Variants in CENPP observed in about 807,000 individuals in gnomAD.
CENPP encodes the protein centromere protein P.
CENPP carries 24 observed loss-of-function variants against 35.6 expected under a neutral mutation model. That is an observed-to-expected ratio of 0.67 (90% CI 0.49 to 0.95). CENPP has a LOEUF of 0.95. CENPP is among the 40% of genes least tolerant of loss of function. The probability of loss-of-function intolerance (pLI) is 0.00; values close to 1 mark genes in which losing one functional copy is unlikely to be tolerated. For synonymous variants in CENPP, 120 were observed against 125.5 expected, an observed-to-expected ratio of 0.96 and a Z score of 0.29; for missense variants, 332 against 345.3, an observed-to-expected ratio of 0.96 and a Z score of 0.31.
chr9:92,477,099 T>C (rs1164144649), intron 5 of CENPP, among the ~76,000 whole-genome samples: 1 of 152,180 alleles, frequency 6.6e-6, no homozygotes, highest in African/African-American at 2.4e-5. Context: ...GTGGCTTCTT[T>C]TGGAGAGCCC....
At chr9:92,442,619 G>A (rs1162173639) in intron 5 of CENPP, among the ~76,000 whole-genome samples, 4 of 151,926 alleles carry the variant, frequency 2.6e-5, no homozygotes, top group Non-Finnish European at 5.9e-5. Context: ...GGAAGCCGAG[G>A]CAGGTGGATC....
At chr9:92,608,264 C>A (rs956922482) in intron 5 of CENPP, among the ~76,000 whole-genome samples, 4 of 152,202 alleles carry the variant, frequency 2.6e-5, no homozygotes, top group African/African-American at 9.6e-5. Flanking sequence ...CCGTCCTTCT[C>A]TTGGCCTCGA....
At chr9:92,356,070 C>T (rs1841581649) in intron 4 of CENPP, among the ~76,000 whole-genome samples, 2 of 151,992 alleles carry the variant, frequency 1.3e-5, no homozygotes, top group Non-Finnish European at 2.9e-5. Context: ...TTGATATTGT[C>T]AGTCAGTATT....
intron 1 of CENPP, among the ~76,000 whole-genome samples, chr9:92,329,126 C>T (rs375578245): frequency 3.3e-5 from 5 of 150,350 alleles, no homozygotes; most frequent in Non-Finnish European, 7.4e-5. Flanking sequence ...AATTTTCCTT[C>T]ATAGTTTGCT....
chr9:92,586,075 C>T (rs375406699), intron 5 of CENPP, among the ~76,000 whole-genome samples: 61 of 152,216 alleles, frequency 4.0e-4, no homozygotes, highest in African/African-American at 1.4e-3. Context: ...GACAGCGTTT[C>T]GCTCTTGTCG....
intron 5 of CENPP, among the ~76,000 whole-genome samples, chr9:92,537,916 CT>C (rs1309459323): frequency 6.6e-6 from 1 of 152,202 alleles, no homozygotes; most frequent in East Asian, 1.9e-4. Context: ...TTGAAGACCA[CT>C]GCTAATCAAA....
rs141963664 is a variant in CENPP, at chr9:92,513,494, G to A, written c.565-97820G>A. Among the ~76,000 whole-genome samples the A allele has an allele frequency of 1.3e-3, 203 of 152,294 alleles. 1 individual carries two copies. The highest frequency in any genetic ancestry group is 4.2e-3 in the African/African-American group (174 of 41,568). ...CTTAGGTCCACACAAACATCTGTAC[G>A]TGGATATTTATAGCAACTTTATACA... On this transcript the variant is annotated intron_variant, in intron 5 of 7. Transcript: ENST00000375587.
intron 5 of CENPP, among the ~76,000 whole-genome samples, chr9:92,386,579 G>A (rs1842431085): frequency 6.6e-6 from 1 of 151,990 alleles, no homozygotes; most frequent in South Asian, 2.1e-4. Flanking sequence ...CGGCTCTAAT[G>A]CCAACTTCTG....
intron 5 of CENPP, among the ~76,000 whole-genome samples, chr9:92,553,038 T>A (rs1849648010): frequency 6.6e-6 from 1 of 152,162 alleles, no homozygotes; most frequent in Admixed American, 6.5e-5. Context: ...ATTTTTATAG[T>A]TTCACGTCTT....
chr9:92,401,188 A>G, intron 5 of CENPP: 1 of 1,370,142 alleles, frequency 7.3e-7, no homozygotes, highest in Non-Finnish European at 1.0e-6. Context: ...TCTTTTTCCT[A>G]TTGGAAAAAT....
At chr9:92,515,463 C>T (rs1847644214) in intron 5 of CENPP, among the ~76,000 whole-genome samples, 1 of 152,020 alleles carries the variant, frequency 6.6e-6, no homozygotes, top group Admixed American at 6.6e-5. Flanking sequence ...CTTATTTTTG[C>T]TAACATATCA....
chr9:92,466,663 AATTTATATCAGTGGTGTACTAG>A (rs1395012758), intron 5 of CENPP: 1 of 1,142,798 alleles, frequency 8.8e-7, no homozygotes, highest in Admixed American at 2.0e-5. Context: ...AAATCAGTAC[AATTTATATCAGTGGTGTACTAG>A]ATCACCCATG....
At chr9:92,555,289 G>A (rs570814121) in intron 5 of CENPP, among the ~76,000 whole-genome samples, 34 of 135,470 alleles carry the variant, frequency 2.5e-4, no homozygotes, top group African/African-American at 8.3e-4. Context: ...GTACAATGGC[G>A]TGATCTCAGC....
In CENPP at chr9:92,547,583, T is replaced by TTCA. The variant is rs1849498511; in HGVS notation, c.565-63730_565-63729insCAT. ...TCACAAAAGACCACATATTGAATGA[T>TTCA]TTCATTCGTATGAAATGTCCAAAAT... On this transcript the variant is annotated intron_variant, in intron 5 of 7. Transcript: ENST00000375587. 2.6e-5 allele frequency among the ~76,000 whole-genome samples: 4 copies of TTCA among 152,338 alleles called. No homozygotes were observed. In the South Asian group the frequency reaches 8.3e-4, roughly 32 times the overall value.
chr9:92,442,179 C>T (rs1277995156), intron 5 of CENPP, among the ~76,000 whole-genome samples: 1 of 151,990 alleles, frequency 6.6e-6, no homozygotes, highest in African/African-American at 2.4e-5. Context: ...GGGCAAATCT[C>T]CTGAGGTCAG....
In CENPP at chr9:92,579,708, C is replaced by T. The variant is rs1202741263; in HGVS notation, c.565-31606C>T. 7.6e-5 allele frequency among the ~76,000 whole-genome samples: 11 copies of T among 145,480 alleles called. No individual in the cohort carries two copies. The South Asian group carries it at 1.3e-3, about 17-fold the overall frequency. On this transcript the variant is annotated intron_variant, in intron 5 of 7. Coordinates refer to ENST00000375587, the MANE Select transcript of CENPP (RefSeq NM_001012267.3). Reference sequence around the variant, plus strand: ...AGCTTAAGGAGATTTTGGGCTGAGACAATGGGGTTTTCTAGATATACAATC... The same window carrying T: ...AGCTTAAGGAGATTTTGGGCTGAGATAATGGGGTTTTCTAGATATACAATC...
intron 5 of CENPP, among the ~76,000 whole-genome samples, chr9:92,504,501 A>C (rs1846876451): frequency 6.6e-6 from 1 of 151,736 alleles, no homozygotes; most frequent in South Asian, 2.1e-4. Context: ...GTATGTATAG[A>C]CTCTCTGGAC....
In CENPP at chr9:92,455,346, C is replaced by T. The variant is rs188600146; in HGVS notation, c.564+75487C>T. 8.5e-5 allele frequency among the ~76,000 whole-genome samples: 13 copies of T among 152,190 alleles called. No individual in the cohort carries two copies. In the East Asian group the frequency reaches 2.3e-3, roughly 27 times the overall value. ...TTGTGGCTACAGTGTGCTATGATCA[C>T]ACTGCTGCACTGAAGCCTGGGCAAC... On this transcript the variant is annotated intron_variant, in intron 5 of 7. Coordinates refer to ENST00000375587, the MANE Select transcript of CENPP (RefSeq NM_001012267.3).
At chr9:92,456,258 A>T (rs904636814) in intron 5 of CENPP, 1 of 152,166 alleles carries the variant, frequency 6.6e-6, no homozygotes, top group East Asian at 1.9e-4. Context: ...CTGATTTTAC[A>T]TATGTTGAAT....
Sources: gnomAD v4.1 joint callset for allele counts (sites outside exome capture counted in the v4.1 genomes callset) on GRCh38, gnomAD v4.1.1 for gene constraint, MANE v1.5 for transcripts, NCBI Gene and HGNC (gene_info 2026-07-23, HGNC 2026-07-21) for gene names.